Variants in TDRD5 observed in about 807,000 individuals in gnomAD.
TDRD5 encodes the protein tudor domain-containing protein 5.
A neutral mutation model predicts 120.6 loss-of-function variants in TDRD5; 41 were observed. The ratio of observed to expected loss-of-function variants is 0.34; its 90% confidence interval spans 0.26 to 0.44. The LOEUF (loss-of-function observed/expected upper bound fraction) is 0.44. TDRD5 is among the 20% of genes least tolerant of loss of function. The pLI is 1.00. For synonymous variants in TDRD5, 430 were observed against 433.7 expected, an observed-to-expected ratio of 0.99 and a Z score of 0.11; for missense variants, 1,006 against 1,221.2, an observed-to-expected ratio of 0.82 and a Z score of 2.63.
intron 7 of TDRD5, among the ~76,000 whole-genome samples, chr1:179,632,931 A>G (rs1030575237): frequency 2.0e-5 from 3 of 152,322 alleles, no homozygotes; most frequent in South Asian, 2.1e-4. Context: ...GGGCAAAATC[A>G]TCTAATACAA....
At chr1:179,615,770 G>A (rs1676534745) in intron 4 of TDRD5, among the ~76,000 whole-genome samples, 1 of 139,182 alleles carries the variant, frequency 7.2e-6, no homozygotes, top group African/African-American at 2.6e-5. Context: ...TTTTGCTTGA[G>A]GTAAACTTTT....
intron 9 of TDRD5, among the ~76,000 whole-genome samples, chr1:179,637,185 T>C (rs115385190): frequency 2.4e-4 from 36 of 152,316 alleles, no homozygotes; most frequent in African/African-American, 8.4e-4. Flanking sequence ...AATTTGACAA[T>C]AGTATGTATG....
At chr1:179,687,304 A>G (rs1572451297) in intron 17 of TDRD5, among the ~76,000 whole-genome samples, 1 of 152,204 alleles carries the variant, frequency 6.6e-6, no homozygotes, top group Non-Finnish European at 1.5e-5. Context: ...TTATGTACCC[A>G]GTAGTCATTC....
In TDRD5 at chr1:179,623,538, A is replaced by G. The variant is rs145901952; in HGVS notation, c.972+2447A>G. On this transcript the variant is annotated intron_variant, in intron 6 of 17. Transcript: ENST00000444136. ...AGGATGTATATTGGTTTTGCTGGTG[A>G]ATTCTGTTAAAACATTTAAGGAAGA... 2.2e-3 allele frequency among the ~76,000 whole-genome samples: 336 copies of G among 151,954 alleles called. 6 individuals carry two copies. The highest frequency in any genetic ancestry group is 7.6e-3 in the African/African-American group (317 of 41,510).
intron 14 of TDRD5, among the ~76,000 whole-genome samples, chr1:179,654,876 G>A (rs1272168710): frequency 1.3e-5 from 2 of 152,324 alleles, no homozygotes; most frequent in East Asian, 3.9e-4. Flanking sequence ...TGATGTGTTA[G>A]TTAATATCCT....
chr1:179,640,325 T>C, intron 10 of TDRD5, 54 bp from the exon 11 acceptor site: 1 of 1,589,400 alleles, frequency 6.3e-7, no homozygotes, highest in Non-Finnish European at 8.6e-7. Flanking sequence ...TGCTAAGAGG[T>C]GCATTTATAT....
intron 16 of TDRD5, among the ~76,000 whole-genome samples, chr1:179,667,844 A>C (rs1679634120): frequency 6.6e-6 from 1 of 152,198 alleles, no homozygotes; most frequent in South Asian, 2.1e-4. Context: ...AGCCACATTC[A>C]TGCCAGCCAT....
intron 17 of TDRD5, among the ~76,000 whole-genome samples, chr1:179,672,795 A>C (rs1161908002): frequency 1.3e-5 from 2 of 152,072 alleles, no homozygotes; most frequent in Non-Finnish European, 2.9e-5. Flanking sequence ...TGAGGATCTA[A>C]TTTCATTTTT....
At chr1:179,622,475 A>G (rs1013850648) in intron 6 of TDRD5, among the ~76,000 whole-genome samples, 3 of 152,354 alleles carry the variant, frequency 2.0e-5, no homozygotes, top group Middle Eastern at 6.8e-3. Flanking sequence ...TGATGCAGAT[A>G]TTGAAGTTAG....
intron 4 of TDRD5, among the ~76,000 whole-genome samples, chr1:179,607,976 G>A (rs1394678626): frequency 1.3e-5 from 2 of 151,838 alleles, no homozygotes; most frequent in Non-Finnish European, 2.9e-5. Flanking sequence ...AAATCTGCTA[G>A]TGGTGTATAT....
At chr1:179,673,041 A>T (rs1210527716) in intron 17 of TDRD5, among the ~76,000 whole-genome samples, 1 of 151,618 alleles carries the variant, frequency 6.6e-6, no homozygotes, top group African/African-American at 2.4e-5. Context: ...ATGTCTCCAG[A>T]TTTGTTCTTT....
chr1:179,599,018 C>T (rs915238994), intron 4 of TDRD5, among the ~76,000 whole-genome samples: 4 of 152,060 alleles, frequency 2.6e-5, no homozygotes, highest in African/African-American at 7.2e-5. Flanking sequence ...TGCCTTTTAT[C>T]AGGTTGAGAA....
At chr1:179,602,935 G>GGGATTCC (rs1422522605) in intron 4 of TDRD5, among the ~76,000 whole-genome samples, 4 of 152,162 alleles carry the variant, frequency 2.6e-5, no homozygotes, top group Non-Finnish European at 5.9e-5. Context: ...TATTATGATG[G>GGGATTCC]GGATTCCGTT....
At chr1:179,650,828 G>T in intron 11 of TDRD5, 39 bp from the exon 12 acceptor site, 2 of 1,586,072 alleles carry the variant, frequency 1.3e-6, no homozygotes, top group Non-Finnish European at 8.7e-7. Flanking sequence ...TTCATGTTTA[G>T]ATCTATCACC....
chr1:179,655,619 C>T (rs539708346), intron 14 of TDRD5, among the ~76,000 whole-genome samples: 2 of 152,288 alleles, frequency 1.3e-5, no homozygotes, highest in African/African-American at 4.8e-5. Flanking sequence ...TCCCCACATC[C>T]CTAACCCCTA....
chr1:179,644,484 ATAC>A (rs1261338764), intron 11 of TDRD5, among the ~76,000 whole-genome samples: 2 of 152,148 alleles, frequency 1.3e-5, no homozygotes, highest in African/African-American at 4.8e-5. Flanking sequence ...TTTATATGTA[ATAC>A]TCATTTTGTA....
chr1:179,674,641 T>C (rs1234804832), intron 17 of TDRD5, among the ~76,000 whole-genome samples: 1 of 152,228 alleles, frequency 6.6e-6, no homozygotes, highest in Non-Finnish European at 1.5e-5. Flanking sequence ...AAATGTGTGA[T>C]AGAATTCAGC....
At chr1:179,623,625 C>CTTTTTTTTTTTTTT (rs11428251) in intron 6 of TDRD5, among the ~76,000 whole-genome samples, 1 of 97,908 alleles carries the variant, frequency 1.0e-5, no homozygotes, top group Admixed American at 1.4e-4. Context: ...CCAACTCATT[C>CTTTTTTTTTTTTTT]TTTTTTTTTT....
At chr1:179,623,099 CAAAAG>C (rs918659400) in intron 6 of TDRD5, among the ~76,000 whole-genome samples, 1 of 152,034 alleles carries the variant, frequency 6.6e-6, no homozygotes, top group Non-Finnish European at 1.5e-5. Context: ...TTAATGTACT[CAAAAG>C]AAAAGTACTG....
Sources: allele counts gnomAD v4.1 joint callset (sites outside exome capture counted in the v4.1 genomes callset), GRCh38; gene constraint gnomAD v4.1.1; transcripts MANE v1.5; gene names NCBI Gene and HGNC (gene_info 2026-07-23, HGNC 2026-07-21).